FAM209A: variants seen among roughly 807,000 people sequenced by gnomAD.
FAM209A encodes the protein protein FAM209A.
FAM209A carries 4 observed loss-of-function variants against 9.8 expected under a neutral mutation model. The ratio of observed to expected loss-of-function variants is 0.41; its 90% confidence interval spans 0.20 to 0.94. The LOEUF is 0.94. Ranked by LOEUF, FAM209A falls within the 40% of genes least tolerant of loss-of-function variation. FAM209A has a pLI of 0.32. For synonymous variants in FAM209A, 55 were observed against 77.8 expected (o/e 0.71, Z 1.54); for missense variants, 205 against 209.4 (o/e 0.98, Z 0.13).
At chr20:56,531,974 CTTTT>C in the FAM209A span, among the ~76,000 whole-genome samples, 2 of 113,058 alleles carry the variant, frequency 1.8e-5, no homozygotes, top group East Asian at 6.5e-4. Context: ...CTTTTCTTTT[CTTTT>C]TTTTTTTTTT....
rs143159637 is a variant in FAM209A, at chr20:56,525,772, A to C, written c.250-32A>C. ...TGTGTCAAAACCAACAAAGTTCACAATATTACTGACCTTGAGTATCTTTCC... is the reference window on the plus strand; with the variant it reads ...TGTGTCAAAACCAACAAAGTTCACACTATTACTGACCTTGAGTATCTTTCC... On this transcript the variant is annotated intron_variant, in intron 1 of 1. Coordinates refer to ENST00000371328, the MANE Select transcript of FAM209A (RefSeq NM_001012971.4). 14 of 1,604,008 alleles carry C rather than the reference A, an allele frequency of 8.7e-6. No homozygotes were observed. In the African/African-American group the frequency reaches 1.7e-4, roughly 20 times the overall value.
downstream of FAM209A, among the ~76,000 whole-genome samples, chr20:56,526,548 C>T (rs190028255): frequency 6.6e-6 from 1 of 152,136 alleles, no homozygotes; most frequent in Non-Finnish European, 1.5e-5. Context: ...CTGATTCTCT[C>T]ACCACAAGAG....
the FAM209A span, chr20:56,533,459 G>A: frequency 6.2e-7 from 1 of 1,612,978 alleles, no homozygotes; most frequent in Non-Finnish European, 8.5e-7. Flanking sequence ...GCCGTGTGGA[G>A]AGCACTTTCG....
chr20:56,524,954 C>T lies in FAM209A; in HGVS notation c.146C>T (p.Pro49Leu). 6.2e-7 allele frequency: 1 copy of T among 1,614,186 alleles called. No homozygotes were observed. Among genetic ancestry groups the T allele is most frequent in the African/African-American group, 1.3e-5 (1 of 75,050 alleles). ...GEHFRIRQNL[P>L]EHTQGWLGSK... The stretch of plus-strand genomic sequence containing the variant: ...CACTTTCGGATTCGGCAGAATCTAC[C>T]AGAGCACACCCAAGGCTGGCTTGGG... The change falls in exon 1 of 2, where the codon CCA becomes CTA. Residue 49 changes from proline to leucine, a missense_variant. Physicochemically the swap from Pro to Leu is moderately conservative, Grantham distance 98. Coordinates refer to ENST00000371328, the MANE Select transcript of FAM209A (RefSeq NM_001012971.4).
chr20:56,528,116 A>C (rs1985615421), downstream of FAM209A, among the ~76,000 whole-genome samples: 1 of 151,586 alleles, frequency 6.6e-6, no homozygotes, highest in African/African-American at 2.4e-5. Context: ...CAAAAAAATA[A>C]ATAAATAAAA....
chr20:56,524,912 A>T lies in FAM209A; in HGVS notation c.104A>T (p.Lys35Met), dbSNP rs776466697. 6.2e-7 allele frequency: 1 copy of T among 1,613,848 alleles called. No individual in the cohort carries two copies. The highest frequency in any genetic ancestry group is 2.2e-5 in the East Asian group (1 of 44,892). ...CAGAAAACTAGCGAACCCCAGGGGA[A>T]GGTGCAATACGGAGAGCACTTTCGG... ...LRQKTSEPQG[K>M]VQYGEHFRIR... The change falls in exon 1 of 2, where the codon AAG (lysine) becomes ATG (methionine). Residue 35 changes from lysine (K) to methionine (M), a missense_variant. Coordinates refer to ENST00000371328, the MANE Select transcript of FAM209A (RefSeq NM_001012971.4).
downstream of FAM209A, among the ~76,000 whole-genome samples, chr20:56,529,771 G>A (rs1004340777): frequency 7.2e-5 from 11 of 152,180 alleles, no homozygotes; most frequent in African/African-American, 2.7e-4. Flanking sequence ...GGAGGTTGCA[G>A]TGAGCCGAGA....
At chr20:56,525,255 A>G (rs1490115719) in intron 1 of FAM209A, among the ~76,000 whole-genome samples, 198 bp downstream of exon 1, 2 of 152,290 alleles carry the variant, frequency 1.3e-5, no homozygotes, top group East Asian at 3.9e-4. Flanking sequence ...TACTGGGACA[A>G]AGAGTGGAAA....
chr20:56,533,368 C>T, the FAM209A span: 5 of 1,614,170 alleles, frequency 3.1e-6, no homozygotes, highest in Admixed American at 8.3e-5. Context: ...CGTCCCTGGT[C>T]CTGCTTCTGT....
chr20:56,531,974 C>CTTTTTTTTTTTTTT, the FAM209A span, among the ~76,000 whole-genome samples: 3 of 113,036 alleles, frequency 2.7e-5, no homozygotes, highest in Non-Finnish European at 5.2e-5. Flanking sequence ...CTTTTCTTTT[C>CTTTTTTTTTTTTTT]TTTTTTTTTT....
chr20:56,530,866 G>A (rs1391946905), downstream of FAM209A, among the ~76,000 whole-genome samples: 2 of 151,984 alleles, frequency 1.3e-5, no homozygotes, highest in East Asian at 3.9e-4. Context: ...AAGGCACAGC[G>A]AGGGTGCCCA....
At position 56,524,926 on chromosome 20, in the gene FAM209A, G is replaced by A; in HGVS notation, c.118G>A (p.Glu40Lys). 5.6e-6 allele frequency: 9 copies of A among 1,614,094 alleles called. No individual in the cohort carries two copies. The highest frequency in any genetic ancestry group is 7.6e-6 in the Non-Finnish European group (9 of 1,179,930). The change falls in exon 1 of 2, where the codon GAG becomes AAG. Residue 40 changes from glutamate to lysine, a missense_variant. Glu to Lys is a moderately conservative substitution (Grantham distance 56). Transcript: ENST00000371328. ...SEPQGKVQYG[E>K]HFRIRQNLPE... is the part of the protein sequence containing the mutation. ...ACCCCAGGGGAAGGTGCAATACGGA[G>A]AGCACTTTCGGATTCGGCAGAATCT... is the stretch of plus-strand genomic sequence containing the variant.
downstream of FAM209A, among the ~76,000 whole-genome samples, chr20:56,530,306 G>A (rs1985699451): frequency 6.6e-6 from 1 of 152,220 alleles, no homozygotes; most frequent in African/African-American, 2.4e-5. Context: ...CAGGACAAAG[G>A]GAAGAGTTTG....
downstream of FAM209A, among the ~76,000 whole-genome samples, chr20:56,527,370 G>A (rs577878590): frequency 2.0e-5 from 3 of 152,250 alleles, no homozygotes; most frequent in Non-Finnish European, 4.4e-5. Context: ...CTGGTTCATT[G>A]CCTGCCTTCA....
chr20:56,529,256 C>T (rs1985659577), downstream of FAM209A, among the ~76,000 whole-genome samples: 1 of 151,858 alleles, frequency 6.6e-6, no homozygotes, highest in Non-Finnish European at 1.5e-5. Context: ...GTGGCTCACA[C>T]CTGTAATCCC....
downstream of FAM209A, among the ~76,000 whole-genome samples, chr20:56,529,497 AGAGT>A (rs2146398805): frequency 6.6e-6 from 1 of 152,238 alleles, no homozygotes; most frequent in South Asian, 2.1e-4. Flanking sequence ...AGTGGGTGAC[AGAGT>A]GAGACTCCAT....
Position 56,526,104 on chromosome 20 carries a change from G to A in FAM209A, c.*34G>A. ...GTGTGTCAGGAGAGAAAAAAGTTGA[G>A]TGTTGACAAACTGTATGCAAACTAA... On this transcript the variant is annotated 3_prime_UTR_variant, in exon 2 of 2. Transcript: ENST00000371328. 6.5e-7 allele frequency: 1 copy of A among 1,542,252 alleles called. No homozygotes were observed. The highest frequency in any genetic ancestry group is 8.7e-7 in the Non-Finnish European group (1 of 1,147,708).
chr20:56,532,480 C>CTTTTTTTTTTTTTTTTTTTTT, the FAM209A span, among the ~76,000 whole-genome samples: 15 of 108,256 alleles, frequency 1.4e-4, no homozygotes, highest in East Asian at 3.5e-4. Flanking sequence ...TTTTCTTTTT[C>CTTTTTTTTTTTTTTTTTTTTT]TTTTTTTTTT....
chr20:56,531,299 G>GTT, the FAM209A span, among the ~76,000 whole-genome samples: 162 of 133,972 alleles, frequency 1.2e-3, no homozygotes, highest in African/African-American at 3.8e-3. Flanking sequence ...TTCTTTCTTT[G>GTT]TTTTTTTTTT....
Sources: allele counts gnomAD v4.1 joint callset (sites outside exome capture counted in the v4.1 genomes callset), GRCh38; gene constraint gnomAD v4.1.1; transcripts MANE v1.5; gene names NCBI Gene and HGNC (gene_info 2026-07-23, HGNC 2026-07-21).